TTC38: variants seen among roughly 807,000 people sequenced by gnomAD.
TTC38 encodes the protein tetratricopeptide repeat protein 38.
A neutral mutation model predicts 64.2 loss-of-function variants in TTC38; 64 were observed. That is an observed-to-expected ratio of 1.00 (90% CI 0.81 to 1.23). TTC38 has a LOEUF of 1.23. Among genes scored for constraint, TTC38 ranks in the 50% most tolerant of loss-of-function variants. The pLI is 0.00. For missense variants in TTC38, 573 were observed against 615.5 expected (o/e 0.93, Z 0.73); for synonymous variants, 254 against 249.3 (o/e 1.02, Z -0.18).
rs745414874 is a variant in TTC38 at position 46,275,463 on chromosome 22, C to T, written c.539+42C>T. 2 of 1,573,390 alleles carry T rather than the reference C, an allele frequency of 1.3e-6. No homozygotes were observed. Among genetic ancestry groups the T allele is most frequent in the Admixed American group, 1.8e-5 (1 of 55,392 alleles). On this transcript the variant is annotated intron_variant, in intron 5 of 13. Coordinates refer to ENST00000381031, the MANE Select transcript of TTC38 (RefSeq NM_017931.4). This position sits in a 1 kb window ranked among gnomAD's most constrained non-coding sequence, Gnocchi z 4.5. ...AATCACATTATTTCTGTTTCTTAATCTCTCTTTTCTGCCCTAAAAATATGG... is the reference window on the plus strand; with the variant it reads ...AATCACATTATTTCTGTTTCTTAATTTCTCTTTTCTGCCCTAAAAATATGG...
At chr22:46,269,917 G>A (rs753944137) in intron 2 of TTC38, among the ~76,000 whole-genome samples, 3 of 152,092 alleles carry the variant, frequency 2.0e-5, no homozygotes, top group Non-Finnish European at 2.9e-5. Context: ...CTCAGCCTCC[G>A]AAGTAGCTGG....
At chr22:46,269,630 A>G (rs965247801) in intron 2 of TTC38, among the ~76,000 whole-genome samples, 14 of 152,228 alleles carry the variant, frequency 9.2e-5, no homozygotes, top group Non-Finnish European at 1.6e-4. Context: ...GGGCTGAACA[A>G]GAGAGGACTG....
chr22:46,280,820 A>G (rs1385388676), intron 6 of TTC38, among the ~76,000 whole-genome samples: 3 of 152,152 alleles, frequency 2.0e-5, no homozygotes, highest in Non-Finnish European at 4.4e-5. Flanking sequence ...GGAACTCATG[A>G]TTTGGCATGG....
Position 46,275,302 on chromosome 22 carries a change from A to G in TTC38, c.420A>G (p.Thr140=), listed in dbSNP as rs777923225. ...AACAGATTCTCCAGGACCACCCGACAGACATGTTGGCCCTGAAATTTTCCC... is the reference window on the plus strand; with the variant it reads ...AACAGATTCTCCAGGACCACCCGACGGACATGTTGGCCCTGAAATTTTCCC... ...LWEQILQDHP[T]DMLALKFSHD... The change falls in exon 5 of 14, where the codon ACA becomes ACG. Residue 140 remains threonine, a synonymous_variant. Transcript: ENST00000381031. This position sits in a 1 kb window ranked among gnomAD's most constrained non-coding sequence, Gnocchi z 4.5. 6.2e-7 allele frequency: 1 copy of G among 1,614,166 alleles called. No individual in the cohort carries two copies. Among genetic ancestry groups the G allele is most frequent in the Admixed American group, 1.7e-5 (1 of 60,020 alleles).
In TTC38 at chr22:46,282,098, G is replaced by C; in HGVS notation, c.735+380G>C. 9.7e-6 allele frequency: 4 copies of C among 413,698 alleles called. No homozygotes were observed. The highest frequency in any genetic ancestry group is 7.2e-5 in the South Asian group (4 of 55,586). 25.6% of individuals were successfully genotyped at this position (413,698 alleles called of 1,614,324 possible). Reference sequence around the variant, plus strand: ...ACTGGGCTTGGGGGGACAGTGGCTAGGGAAGGCATCCTGGAGGGGGCAACC... The same window carrying C: ...ACTGGGCTTGGGGGGACAGTGGCTACGGAAGGCATCCTGGAGGGGGCAACC... On this transcript the variant is annotated intron_variant, in intron 7 of 13. Transcript: ENST00000381031. The surrounding 1 kb of genome is among the most constrained non-coding windows in gnomAD (Gnocchi z 4.4).
chr22:46,280,222 G>A (rs1482293568), intron 6 of TTC38: 1 of 470,870 alleles, frequency 2.1e-6, no homozygotes, highest in African/African-American at 2.0e-5. Flanking sequence ...GAGCAGGCAG[G>A]CGGCAGGCAC....
Position 46,274,423 on chromosome 22 carries a change from CAATCA to C in TTC38, c.365+364_365+368del, listed in dbSNP as rs1256617002. On this transcript the variant is annotated intron_variant, in intron 4 of 13. Coordinates refer to ENST00000381031, the MANE Select transcript of TTC38 (RefSeq NM_017931.4). The surrounding 1 kb of genome is among the most constrained non-coding windows in gnomAD (Gnocchi z 4.8). ...CATGCTTCTTCTAGTGAGAAATAAA[CAATCA>C]AATCAAATCTTCACCCATAAGTTCC... Among the ~76,000 whole-genome samples the C allele has an allele frequency of 5.3e-5, 8 of 152,190 alleles. No homozygotes were observed. Among genetic ancestry groups the C allele is most frequent in the Admixed American group, 5.2e-4 (8 of 15,284 alleles).
intron 9 of TTC38, among the ~76,000 whole-genome samples, chr22:46,286,014 C>CAAA (rs573736869): frequency 3.5e-4 from 26 of 73,962 alleles, no homozygotes; most frequent in African/African-American, 1.3e-3. Flanking sequence ...GACTCTGTCT[C>CAAA]AAAAAAAAAA....
chr22:46,280,267 C>T (rs1308989646), intron 6 of TTC38: 1 of 462,158 alleles, frequency 2.2e-6, no homozygotes. Flanking sequence ...CCTGGAGCTC[C>T]ATCCAAGTGG....
rs778745789 is a variant in TTC38 at position 46,289,901 on chromosome 22, T to C, written c.1316+2T>C. On this transcript the variant is annotated splice_donor_variant, in intron 13 of 13. Coordinates refer to ENST00000381031, the MANE Select transcript of TTC38 (RefSeq NM_017931.4). LOFTEE classifies it high-confidence loss of function. ...CAGCGTCCATAAGAACGTAGCCCGGTGAGCTCCTGGCCCCTGCCCAGCACT... is the reference window on the plus strand; with the variant it reads ...CAGCGTCCATAAGAACGTAGCCCGGCGAGCTCCTGGCCCCTGCCCAGCACT... 1.1e-5 allele frequency: 18 copies of C among 1,613,726 alleles called. No individual in the cohort carries two copies. The Admixed American group carries it at 2.7e-4, about 24-fold the overall frequency.
rs1368538846 is a variant in TTC38, at chr22:46,270,198, T to G, written c.111+1607T>G. Among the ~76,000 whole-genome samples the G allele has an allele frequency of 6.6e-6, 1 of 152,218 alleles. No individual in the cohort carries two copies. The highest frequency in any genetic ancestry group is 1.9e-4 in the East Asian group (1 of 5,190). ...ATTGGTGTCTCTGTGCTGTCCTGTGTTAGAACTTGGCTTCTTTAAATCTCT... is the reference window on the plus strand; with the variant it reads ...ATTGGTGTCTCTGTGCTGTCCTGTGGTAGAACTTGGCTTCTTTAAATCTCT... On this transcript the variant is annotated intron_variant, in intron 2 of 13. Coordinates refer to ENST00000381031, the MANE Select transcript of TTC38 (RefSeq NM_017931.4). The surrounding 1 kb of genome is among the most constrained non-coding windows in gnomAD (Gnocchi z 4.7).
Position 46,292,843 on chromosome 22 carries a change from C to T in TTC38, c.1369C>T (p.Arg457Trp), listed in dbSNP as rs754965371. 6.8e-6 allele frequency: 11 copies of T among 1,613,858 alleles called. No individual in the cohort carries two copies. Among genetic ancestry groups the T allele is most frequent in the African/African-American group, 5.3e-5 (4 of 74,948 alleles). Residue 457 changes from arginine (R) to tryptophan (W), a missense_variant, in exon 14 of 14, where the codon CGG (arginine) becomes TGG (tryptophan). By Grantham distance (101) the Arg-to-Trp change is moderately radical. Around this residue, in one of 3 missense-constraint regions of TTC38, gnomAD observed 371 missense variants for 381.8 expected, o/e 0.97. Coordinates refer to ENST00000381031, the MANE Select transcript of TTC38 (RefSeq NM_017931.4). The surrounding 1 kb of genome is among the most constrained non-coding windows in gnomAD (Gnocchi z 6.5). ...GAAGCCCAACTCGCCCCTGACCGAG[C>T]GGCTCATCCGCAAGGCAGCTACCGT... The part of the protein sequence containing the change: ...ALKPNSPLTE[R>W]LIRKAATVHL...
In TTC38 at chr22:46,282,444, G is replaced by C. The variant is rs1401029007; in HGVS notation, c.735+726G>C. 3.9e-5 allele frequency among the ~76,000 whole-genome samples: 6 copies of C among 152,218 alleles called. No individual in the cohort carries two copies. Among genetic ancestry groups the C allele is most frequent in the African/African-American group, 1.4e-4 (6 of 41,460 alleles). On this transcript the variant is annotated intron_variant, in intron 7 of 13. Coordinates refer to ENST00000381031, the MANE Select transcript of TTC38 (RefSeq NM_017931.4). This position sits in a 1 kb window ranked among gnomAD's most constrained non-coding sequence, Gnocchi z 4.4. ...CTCTGGACAGACGGGGCTGCATCAG[G>C]TGAGCCTATTGGGCTCAAGGGAGAT...
chr22:46,289,266 C>G, intron 11 of TTC38, 136 bp from the exon 12 acceptor site: 1 of 1,152,774 alleles, frequency 8.7e-7, no homozygotes, highest in Non-Finnish European at 1.2e-6. Context: ...GGCTGCCCCG[C>G]CTGTCACCTC....
rs2077614872 is a variant in TTC38, at chr22:46,291,464, C to T, written c.1317-1327C>T. On this transcript the variant is annotated intron_variant, in intron 13 of 13. Transcript: ENST00000381031. The surrounding 1 kb of genome is among the most constrained non-coding windows in gnomAD (Gnocchi z 4.6). ...AGGGGGCCTTCTCTCCAAGTCCTGT[C>T]CTGCTACCAGGCAGCATCCATGGGG... is the stretch of plus-strand genomic sequence containing the variant. Among the ~76,000 whole-genome samples the T allele has an allele frequency of 6.6e-6, 1 of 152,150 alleles. No individual in the cohort carries two copies. The highest frequency in any genetic ancestry group is 2.4e-5 in the African/African-American group (1 of 41,426).
At position 46,272,951 on chromosome 22, in the gene TTC38, G is replaced by A. The variant is rs1020086533; in HGVS notation, c.193+535G>A. Among the ~76,000 whole-genome samples, 1 of 152,214 alleles carries A rather than the reference G, an allele frequency of 6.6e-6. No homozygotes were observed. Among genetic ancestry groups the A allele is most frequent in the South Asian group, 2.1e-4 (1 of 4,832 alleles). On this transcript the variant is annotated intron_variant, in intron 3 of 13. Coordinates refer to ENST00000381031, the MANE Select transcript of TTC38 (RefSeq NM_017931.4). The surrounding 1 kb of genome is among the most constrained non-coding windows in gnomAD (Gnocchi z 6.4). ...AGCCAGCACAGTGCATTGCAGGTGG[G>A]TGGTCCCGTGGTGCGGCAAGGTTCC... is the stretch of plus-strand genomic sequence containing the variant.
rs779119363 is a variant in TTC38, at chr22:46,272,420, A to G, written c.193+4A>G. On this transcript the variant is annotated splice_donor_region_variant and intron_variant, in intron 3 of 13. Coordinates refer to ENST00000381031, the MANE Select transcript of TTC38 (RefSeq NM_017931.4). The surrounding 1 kb of genome is among the most constrained non-coding windows in gnomAD (Gnocchi z 6.4). Reference sequence around the variant, plus strand: ...AAAGCAGCAGATCCAACCTTTGGTGAGTAACGCCTTCCCTGGGTGGAGGAG... The same window carrying G: ...AAAGCAGCAGATCCAACCTTTGGTGGGTAACGCCTTCCCTGGGTGGAGGAG... 8 of 1,612,158 alleles carry G rather than the reference A, an allele frequency of 5.0e-6. No homozygotes were observed. In the East Asian group the frequency reaches 1.8e-4, roughly 36 times the overall value.
intron 2 of TTC38, among the ~76,000 whole-genome samples, chr22:46,269,716 A>G (rs778357707): frequency 1.3e-5 from 2 of 152,278 alleles, no homozygotes; most frequent in African/African-American, 4.8e-5. Context: ...TGCTGTGGGC[A>G]TCTGAGTTGT....
At chr22:46,286,013 T>TAAAAAAAA (rs2077569172) in intron 9 of TTC38, among the ~76,000 whole-genome samples, 1 of 61,734 alleles carries the variant, frequency 1.6e-5, no homozygotes, top group African/African-American at 4.4e-4. Flanking sequence ...AGACTCTGTC[T>TAAAAAAAA]CAAAAAAAAA....
Sources: gnomAD v4.1 joint callset for allele counts (sites outside exome capture counted in the v4.1 genomes callset) on GRCh38, gnomAD v4.1.1 for gene constraint, gnomAD v4.1.1 regional missense constraint, Gnocchi (gnomAD v3.1) non-coding constraint, MANE v1.5 for transcripts, NCBI Gene and HGNC (gene_info 2026-07-23, HGNC 2026-07-21) for gene names.